Variants in RIMS1 observed in about 807,000 individuals in gnomAD.
RIMS1 encodes the protein regulating synaptic membrane exocytosis 1, also known as regulating synaptic membrane exocytosis protein 1.
Under a neutral mutation model 214.1 loss-of-function variants are expected in RIMS1, and 83 were observed. The observed-to-expected ratio is 0.39, with a 90% CI of 0.32 to 0.47. The LOEUF (loss-of-function observed/expected upper bound fraction) is 0.47, where lower values mean the gene tolerates loss of function less well. Among genes scored for constraint, RIMS1 ranks in the 20% least tolerant of loss-of-function variants. The pLI is 0.99. For synonymous variants in RIMS1, 793 were observed against 786.8 expected, an observed-to-expected ratio of 1.01 and a Z score of -0.13; for missense variants, 2,050 against 2,161.8, an observed-to-expected ratio of 0.95 and a Z score of 1.03.
intron 2 of RIMS1, among the ~76,000 whole-genome samples, chr6:71,991,417 T>C (rs1801540922): frequency 6.6e-6 from 1 of 152,232 alleles, no homozygotes; most frequent in African/African-American, 2.4e-5. Context: ...ACCCAGATTC[T>C]TTCCGTATTT....
chr6:72,191,879 A>G (rs981335031), intron 6 of RIMS1, among the ~76,000 whole-genome samples: 3 of 152,200 alleles, frequency 2.0e-5, no homozygotes, highest in Admixed American at 6.5e-5. Context: ...TGTGGTGGGC[A>G]TCACCACCCC....
chr6:72,155,469 G>A lies in RIMS1; in HGVS notation c.472-24106G>A, dbSNP rs137858698. On this transcript the variant is annotated intron_variant, in intron 4 of 33. Transcript: ENST00000521978. ...ATCTTTTCAGCAACACCCCATTCTCGTTACCAATATACTGTATTAGTCCAT... is the reference window on the plus strand; with the variant it reads ...ATCTTTTCAGCAACACCCCATTCTCATTACCAATATACTGTATTAGTCCAT... Among the ~76,000 whole-genome samples the A allele has an allele frequency of 1.2e-4, 17 of 139,870 alleles. 1 individual carries two copies. Among genetic ancestry groups the A allele is most frequent in the East Asian group, 1.2e-3 (6 of 4,940 alleles). 91.8% of individuals were successfully genotyped at this position (139,870 alleles called of 152,430 possible).
At chr6:72,180,836 A>G (rs778879246) in intron 5 of RIMS1, among the ~76,000 whole-genome samples, 4 of 152,194 alleles carry the variant, frequency 2.6e-5, no homozygotes, top group African/African-American at 4.8e-5. Flanking sequence ...CCCATACAGT[A>G]AAAGATCAAG....
chr6:71,999,088 C>A (rs533731009), intron 2 of RIMS1, among the ~76,000 whole-genome samples: 9 of 151,860 alleles, frequency 5.9e-5, no homozygotes, highest in Non-Finnish European at 1.3e-4. Flanking sequence ...CAATATTTTT[C>A]TCTGACTATA....
intron 2 of RIMS1, among the ~76,000 whole-genome samples, chr6:72,096,539 A>G (rs567053080): frequency 5.9e-5 from 9 of 152,364 alleles, no homozygotes; most frequent in African/African-American, 2.2e-4. Context: ...AAAATAGTAG[A>G]GTACATCATA....
intron 1 of RIMS1, among the ~76,000 whole-genome samples, chr6:71,963,155 G>A (rs1344388266): frequency 6.6e-6 from 1 of 152,126 alleles, no homozygotes; most frequent in Non-Finnish European, 1.5e-5. Context: ...CACAGTTGAT[G>A]TTTATCAGTT....
At chr6:72,292,355 A>C (rs941994734) in intron 26 of RIMS1, among the ~76,000 whole-genome samples, 14 of 152,170 alleles carry the variant, frequency 9.2e-5, no homozygotes, top group African/African-American at 3.4e-4. Flanking sequence ...ATCTCATTGC[A>C]ATATGGCATT....
rs937905219 is a variant in RIMS1 at position 72,050,787 on chromosome 6, C to T, written c.246-46162C>T. ...CTTTTCGTAAGGTTTATGTGGTAGACTTTTAGAAGCCTCTATGGGAACCTG... is the reference window on the plus strand; with the variant it reads ...CTTTTCGTAAGGTTTATGTGGTAGATTTTTAGAAGCCTCTATGGGAACCTG... On this transcript the variant is annotated intron_variant, in intron 2 of 33. Coordinates refer to ENST00000521978, the MANE Select transcript of RIMS1 (RefSeq NM_014989.7). 3.3e-5 allele frequency among the ~76,000 whole-genome samples: 5 copies of T among 152,238 alleles called. No individual in the cohort carries two copies. In the South Asian group the frequency reaches 1.0e-3, roughly 32 times the overall value.
At chr6:72,322,959 CTG>C (rs2096251505) in intron 28 of RIMS1, among the ~76,000 whole-genome samples, 1 of 152,046 alleles carries the variant, frequency 6.6e-6, no homozygotes, top group Admixed American at 6.6e-5. Flanking sequence ...AAAGCAGCAG[CTG>C]GAAGGCCAAA....
At chr6:71,899,065 A>T (rs1234234580) in intron 1 of RIMS1, among the ~76,000 whole-genome samples, 1 of 152,122 alleles carries the variant, frequency 6.6e-6, no homozygotes, top group Non-Finnish European at 1.5e-5. Context: ...TTGCCAGATT[A>T]TATAAGTACA....
At chr6:71,973,566 A>C (rs1796415509) in intron 2 of RIMS1, among the ~76,000 whole-genome samples, 1 of 152,184 alleles carries the variant, frequency 6.6e-6, no homozygotes, top group Admixed American at 6.5e-5. Flanking sequence ...TCATAATGGC[A>C]GATACCCCTG....
chr6:72,079,110 C>T (rs1832645212), intron 2 of RIMS1, among the ~76,000 whole-genome samples: 2 of 152,194 alleles, frequency 1.3e-5, no homozygotes, highest in Admixed American at 6.5e-5. Context: ...TTAATATAAC[C>T]TCTACCTTGA....
intron 29 of RIMS1, among the ~76,000 whole-genome samples, chr6:72,378,142 T>G (rs1476476118): frequency 6.6e-6 from 1 of 152,332 alleles, no homozygotes; most frequent in East Asian, 1.9e-4. Context: ...TGATTTTCAG[T>G]GTGGGGGCTT....
chr6:72,125,630 A>G (rs192651751), intron 4 of RIMS1, among the ~76,000 whole-genome samples: 14 of 152,324 alleles, frequency 9.2e-5, no homozygotes, highest in African/African-American at 3.4e-4. Flanking sequence ...ACTGAGCTGC[A>G]GTGGGGTCCA....
intron 4 of RIMS1, among the ~76,000 whole-genome samples, chr6:72,155,267 ATGC>A (rs2044286366): frequency 7.2e-6 from 1 of 139,854 alleles, no homozygotes; most frequent in African/African-American, 2.5e-5. Context: ...TCACACTTTT[ATGC>A]TCTGCTTCCC....
chr6:72,393,000 T>C (rs947759699), intron 31 of RIMS1, among the ~76,000 whole-genome samples, 190 bp downstream of exon 31: 1 of 149,742 alleles, frequency 6.7e-6, no homozygotes, highest in Non-Finnish European at 1.5e-5. Context: ...AAAAAAGAAG[T>C]AAAATTAGCT....
chr6:72,264,783 CAA>C (rs887424416), intron 19 of RIMS1, among the ~76,000 whole-genome samples, 190 bp from the exon 20 acceptor site: 10 of 151,946 alleles, frequency 6.6e-5, no homozygotes, highest in African/African-American at 2.4e-4. Context: ...TTTATGAAGT[CAA>C]GTGTCTATGA....
At chr6:71,978,297 G>A (rs924232169) in intron 2 of RIMS1, among the ~76,000 whole-genome samples, 1 of 152,048 alleles carries the variant, frequency 6.6e-6, no homozygotes, top group Non-Finnish European at 1.5e-5. Context: ...AATCTCACTT[G>A]TATTACTGTA....
chr6:72,245,840 T>A lies in RIMS1; in HGVS notation c.2107T>A (p.Ser703Thr), dbSNP rs772471723. Residue 703 changes from serine to threonine, a missense_variant, in exon 11 of 34, where the codon TCC becomes ACC. Around this residue, in one of 6 missense-constraint regions of RIMS1, gnomAD observed 111 missense variants for 166.2 expected, o/e 0.67. Coordinates refer to ENST00000521978, the MANE Select transcript of RIMS1 (RefSeq NM_014989.7). ...IGDIPRIPES[S>T]HPPLESSSSS... ...TGACATTCCCCGGATTCCTGAGAGC[T>A]CCCACCCTCCACTGGAGTCCAGTGA... The A allele has an allele frequency of 6.3e-5, 101 of 1,608,622 alleles. 1 individual carries two copies. The South Asian group carries it at 1.1e-3, about 17-fold the overall frequency.
Sources: allele counts gnomAD v4.1 joint callset (sites outside exome capture counted in the v4.1 genomes callset), GRCh38; gene constraint gnomAD v4.1.1; regional missense constraint gnomAD v4.1.1; transcripts MANE v1.5; gene names NCBI Gene and HGNC (gene_info 2026-07-23, HGNC 2026-07-21).